The following SLC35F1 variants were observed in gnomAD, a reference collection of about 807,000 sequenced individuals.
SLC35F1 encodes the protein chromosome 6 open reading frame 169.
A neutral mutation model predicts 48.7 loss-of-function variants in SLC35F1; 14 were observed. That is an observed-to-expected ratio of 0.29 (90% CI 0.19 to 0.45). The LOEUF (loss-of-function observed/expected upper bound fraction) is 0.45. Ranked by LOEUF, SLC35F1 falls within the 20% of genes least tolerant of loss-of-function variation. The probability of loss-of-function intolerance (pLI) is 1.00; values close to 1 mark genes in which losing one functional copy is unlikely to be tolerated. For synonymous variants in SLC35F1, 190 were observed against 202.2 expected (o/e 0.94, Z 0.51); for missense variants, 404 against 500.0 (o/e 0.81, Z 1.83).
At chr6:118,232,698 AG>A (rs1205032249) in intron 2 of SLC35F1, among the ~76,000 whole-genome samples, 1 of 152,068 alleles carries the variant, frequency 6.6e-6, no homozygotes, top group Non-Finnish European at 1.5e-5. Context: ...TAGTCCAAGC[AG>A]AGGAAACAGC....
intron 2 of SLC35F1, among the ~76,000 whole-genome samples, chr6:118,195,459 A>G (rs549750584): frequency 1.5e-4 from 23 of 152,280 alleles, no homozygotes; most frequent in African/African-American, 5.5e-4. Flanking sequence ...ATTTTTACCT[A>G]AAGTATTGGC....
At chr6:118,031,673 C>T (rs1266941368) in intron 1 of SLC35F1, among the ~76,000 whole-genome samples, 1 of 152,182 alleles carries the variant, frequency 6.6e-6, no homozygotes, top group Non-Finnish European at 1.5e-5. Flanking sequence ...TCCATGACTG[C>T]TCCTGCAGAG....
intron 1 of SLC35F1, among the ~76,000 whole-genome samples, chr6:118,103,927 C>T (rs1480055245): frequency 6.6e-6 from 1 of 152,154 alleles, no homozygotes; most frequent in Non-Finnish European, 1.5e-5. Context: ...CAGTAGGTTA[C>T]TGTGTTTTAT....
intron 1 of SLC35F1, among the ~76,000 whole-genome samples, chr6:118,067,129 G>A (rs1364070361): frequency 1.3e-5 from 2 of 152,156 alleles, no homozygotes; most frequent in African/African-American, 4.8e-5. Context: ...AATTATTTGT[G>A]AAAGATAAGG....
In SLC35F1 at chr6:118,168,107, G is replaced by T. The variant is rs570485216; in HGVS notation, c.349+13487G>T. Among the ~76,000 whole-genome samples, 5 of 152,276 alleles carry T rather than the reference G, an allele frequency of 3.3e-5. No individual in the cohort carries two copies. The South Asian group carries it at 8.3e-4, about 25-fold the overall frequency. ...CCCTGACTTTGCATTAAGAAGAGCA[G>T]CTTCTGTTCTTCCAGTCCCTGCGCT... is the stretch of plus-strand genomic sequence containing the variant. On this transcript the variant is annotated intron_variant, in intron 2 of 7. Coordinates refer to ENST00000360388, the MANE Select transcript of SLC35F1 (RefSeq NM_001029858.4).
intron 1 of SLC35F1, among the ~76,000 whole-genome samples, chr6:117,986,401 G>C (rs974157918): frequency 1.3e-5 from 2 of 152,168 alleles, no homozygotes; most frequent in Admixed American, 1.3e-4. Context: ...CAAAAATGCA[G>C]GGGCCGCTTA....
intron 1 of SLC35F1, among the ~76,000 whole-genome samples, chr6:117,993,788 C>T (rs1331728721): frequency 1.3e-5 from 2 of 152,088 alleles, no homozygotes; most frequent in African/African-American, 2.4e-5. Context: ...ATGACATATC[C>T]TCAATTCAGG....
intron 1 of SLC35F1, among the ~76,000 whole-genome samples, chr6:118,036,916 C>T (rs1465562274): frequency 2.6e-5 from 4 of 152,080 alleles, no homozygotes; most frequent in Non-Finnish European, 5.9e-5. Flanking sequence ...GTGTTATGAC[C>T]TCTAACTGTG....
intron 1 of SLC35F1, among the ~76,000 whole-genome samples, chr6:118,053,549 T>C (rs1199160899): frequency 6.6e-6 from 1 of 152,212 alleles, no homozygotes; most frequent in Non-Finnish European, 1.5e-5. Context: ...ATATAGTCTG[T>C]CTCTCTCCAC....
At chr6:117,999,523 G>T (rs1777056251) in intron 1 of SLC35F1, 1 of 939,550 alleles carries the variant, frequency 1.1e-6, no homozygotes, top group South Asian at 1.6e-5. Context: ...ATCTGCATGG[G>T]GCTGGGGTCC....
At chr6:118,049,150 A>T (rs6568996) in intron 1 of SLC35F1, among the ~76,000 whole-genome samples, 4 of 152,270 alleles carry the variant, frequency 2.6e-5, no homozygotes, top group East Asian at 1.9e-4. Flanking sequence ...CTGGGAAAAC[A>T]GGCTAGCCAA....
At chr6:118,202,218 G>A (rs954251791) in intron 2 of SLC35F1, among the ~76,000 whole-genome samples, 6 of 152,192 alleles carry the variant, frequency 3.9e-5, no homozygotes, top group Non-Finnish European at 8.8e-5. Flanking sequence ...CACCGGAGCA[G>A]GTGCAGTAGT....
chr6:118,118,796 CCAGTA>C (rs1433433035), intron 1 of SLC35F1, among the ~76,000 whole-genome samples: 3 of 152,120 alleles, frequency 2.0e-5, no homozygotes, highest in African/African-American at 7.2e-5. Context: ...AGCCTCTTTC[CCAGTA>C]CAGCTGAATA....
chr6:118,205,220 T>C (rs1400684109), intron 2 of SLC35F1, among the ~76,000 whole-genome samples: 1 of 152,176 alleles, frequency 6.6e-6, no homozygotes, highest in East Asian at 1.9e-4. Context: ...TATGGGCAGA[T>C]TCTAGTGGAG....
At chr6:118,196,947 T>C (rs2114530254) in intron 2 of SLC35F1, among the ~76,000 whole-genome samples, 1 of 152,042 alleles carries the variant, frequency 6.6e-6, no homozygotes, top group East Asian at 1.9e-4. Flanking sequence ...TTAAAGAGAC[T>C]GTCTTTTCCC....
chr6:118,199,304 A>G (rs1221814639), intron 2 of SLC35F1, among the ~76,000 whole-genome samples: 1 of 152,146 alleles, frequency 6.6e-6, no homozygotes, highest in African/African-American at 2.4e-5. Flanking sequence ...TCATCTGGGG[A>G]CTTGTACTCT....
At chr6:118,007,970 C>CG (rs1024072922) in intron 1 of SLC35F1, among the ~76,000 whole-genome samples, 1 of 152,042 alleles carries the variant, frequency 6.6e-6, no homozygotes, top group Non-Finnish European at 1.5e-5. Flanking sequence ...TAGCTGTTGG[C>CG]GGGGGGCTAC....
intron 1 of SLC35F1, among the ~76,000 whole-genome samples, chr6:118,109,153 A>G (rs1005124967): frequency 1.1e-4 from 16 of 152,222 alleles, no homozygotes; most frequent in African/African-American, 1.7e-4. Flanking sequence ...AAGTAAGGCA[A>G]AGCGTTATCA....
chr6:118,161,176 C>A (rs1894613), intron 2 of SLC35F1, among the ~76,000 whole-genome samples: 1 of 151,866 alleles, frequency 6.6e-6, no homozygotes, highest in African/African-American at 2.4e-5. Context: ...AGCATTTCCC[C>A]GTATATCAGA....
Sources: allele counts gnomAD v4.1 joint callset (sites outside exome capture counted in the v4.1 genomes callset), GRCh38; gene constraint gnomAD v4.1.1; transcripts MANE v1.5; gene names NCBI Gene and HGNC (gene_info 2026-07-23, HGNC 2026-07-21).